Variants in TMEM132C observed in about 807,000 individuals in gnomAD.
TMEM132C encodes transmembrane protein 132C, also known as protein phosphatase 1, regulatory subunit 152.
Under a neutral mutation model 61.4 loss-of-function variants are expected in TMEM132C, and 29 were observed. The observed-to-expected ratio is 0.47, with a 90% CI of 0.35 to 0.64. The LOEUF (loss-of-function observed/expected upper bound fraction) is 0.64. Among genes scored for constraint, TMEM132C ranks in the 30% least tolerant of loss-of-function variants. TMEM132C has a pLI of 0.00. For missense variants in TMEM132C, 1,408 were observed against 1,476.9 expected (o/e 0.95, Z 0.76); for synonymous variants, 656 against 633.1 (o/e 1.04, Z -0.54).
chr12:128,602,867 A>C (rs1213237613), intron 3 of TMEM132C, among the ~76,000 whole-genome samples: 1 of 152,240 alleles, frequency 6.6e-6, no homozygotes, highest in African/African-American at 2.4e-5. Context: ...GCTGCCAGCA[A>C]AGTGCAGAGG....
intron 1 of TMEM132C, among the ~76,000 whole-genome samples, chr12:128,270,063 C>T (rs565482317): frequency 2.6e-4 from 39 of 152,124 alleles, no homozygotes; most frequent in Non-Finnish European, 4.6e-4. Flanking sequence ...TGGGCCGAGG[C>T]AGGAGAGGCA....
intron 2 of TMEM132C, among the ~76,000 whole-genome samples, chr12:128,459,405 G>C (rs79295240): frequency 0.056 from 8,475 of 152,234 alleles, 767 homozygotes; most frequent in African/African-American, 0.19. Flanking sequence ...AGAGGACCTG[G>C]GTTTGAGAGA....
intron 2 of TMEM132C, among the ~76,000 whole-genome samples, chr12:128,484,217 C>T (rs932807598): frequency 2.0e-5 from 3 of 152,106 alleles, no homozygotes; most frequent in South Asian, 2.1e-4. Flanking sequence ...ACTAAGGGGA[C>T]GACATTCTAA....
chr12:128,598,264 T>A (rs953853476), intron 3 of TMEM132C, among the ~76,000 whole-genome samples: 1 of 151,778 alleles, frequency 6.6e-6, no homozygotes, highest in Non-Finnish European at 1.5e-5. Context: ...TAAAAAATAA[T>A]AACAATAATA....
chr12:128,549,910 T>C (rs1210961362), intron 3 of TMEM132C, among the ~76,000 whole-genome samples: 1 of 151,676 alleles, frequency 6.6e-6, no homozygotes, highest in East Asian at 1.9e-4. Flanking sequence ...GAGCTGGAGG[T>C]GGAATTCAAA....
At chr12:128,599,824 C>G (rs1026114700) in intron 3 of TMEM132C, among the ~76,000 whole-genome samples, 1 of 152,096 alleles carries the variant, frequency 6.6e-6, no homozygotes, top group African/African-American at 2.4e-5. Context: ...TGTGTCATCA[C>G]CCAAATCTCA....
intron 1 of TMEM132C, among the ~76,000 whole-genome samples, chr12:128,291,611 C>T (rs1457020078): frequency 1.3e-5 from 2 of 152,180 alleles, no homozygotes; most frequent in East Asian, 1.9e-4. Flanking sequence ...CTGCTGTTCC[C>T]GTAACTCAGG....
At chr12:128,536,361 G>A (rs1040964466) in intron 2 of TMEM132C, among the ~76,000 whole-genome samples, 3 of 152,012 alleles carry the variant, frequency 2.0e-5, no homozygotes, top group Non-Finnish European at 4.4e-5. Flanking sequence ...TGGTCACAGG[G>A]CAGAGAACAT....
intron 1 of TMEM132C, among the ~76,000 whole-genome samples, chr12:128,292,062 T>C (rs932561363): frequency 1.3e-5 from 2 of 152,166 alleles, no homozygotes; most frequent in African/African-American, 4.8e-5. Context: ...GGTATCTAGG[T>C]GTCTCACCAT....
intron 1 of TMEM132C, among the ~76,000 whole-genome samples, chr12:128,320,949 G>A (rs1031183374): frequency 4.0e-5 from 6 of 151,798 alleles, no homozygotes; most frequent in South Asian, 2.1e-4. Context: ...CTCTAGGGGT[G>A]TGTCAATTAG....
At chr12:128,270,775 G>A (rs114847586) in intron 1 of TMEM132C, among the ~76,000 whole-genome samples, 2,189 of 152,206 alleles carry the variant, frequency 0.014, 53 homozygotes, top group African/African-American at 0.049. Context: ...CTGTGTTTTA[G>A]CCTCTTAGTA....
intron 2 of TMEM132C, among the ~76,000 whole-genome samples, chr12:128,489,306 CT>C (rs1324911683): frequency 6.6e-6 from 1 of 151,702 alleles, no homozygotes; most frequent in Non-Finnish European, 1.5e-5. Flanking sequence ...CTCACCTTGA[CT>C]TTCTTCTTGC....
chr12:128,394,582 T>A (rs1874878209), intron 1 of TMEM132C, among the ~76,000 whole-genome samples: 3 of 152,240 alleles, frequency 2.0e-5, no homozygotes. Context: ...GCCCAACATC[T>A]AGTGACTCCT....
intron 1 of TMEM132C, among the ~76,000 whole-genome samples, chr12:128,337,338 G>A (rs371861088): frequency 4.0e-4 from 61 of 152,196 alleles, no homozygotes; most frequent in African/African-American, 1.3e-3. Flanking sequence ...TCTATTGTTC[G>A]CGGGGACTCG....
chr12:128,521,780 G>A (rs1872914768), intron 2 of TMEM132C, among the ~76,000 whole-genome samples: 1 of 152,120 alleles, frequency 6.6e-6, no homozygotes, highest in African/African-American at 2.4e-5. Flanking sequence ...CTGGTACTCA[G>A]ATATATTTTG....
At chr12:128,413,410 A>G (rs1189210196) in intron 1 of TMEM132C, among the ~76,000 whole-genome samples, 3 of 151,730 alleles carry the variant, frequency 2.0e-5, no homozygotes, top group African/African-American at 4.8e-5. Context: ...GTAAGATGAA[A>G]GAGTCAAAGA....
intron 2 of TMEM132C, among the ~76,000 whole-genome samples, chr12:128,424,702 C>T (rs1825457545): frequency 6.6e-6 from 1 of 152,188 alleles, no homozygotes; most frequent in Admixed American, 6.5e-5. Flanking sequence ...GAATTGTATA[C>T]TTGACAAAGT....
chr12:128,270,633 G>A lies in TMEM132C; in HGVS notation c.85+3146G>A, dbSNP rs60427197. Among the ~76,000 whole-genome samples the A allele has an allele frequency of 6.2e-3, 949 of 152,264 alleles. 12 individuals carry two copies. The highest frequency in any genetic ancestry group is 0.021 in the African/African-American group (888 of 41,552). On this transcript the variant is annotated intron_variant, in intron 1 of 8. Coordinates refer to ENST00000435159, the MANE Select transcript of TMEM132C (RefSeq NM_001136103.3). The stretch of plus-strand genomic sequence containing the variant: ...TGGAGAAGCCCCTCTCAACTCACCC[G>A]CATTCGTGCTGCCACCAACGAATGA...
At chr12:128,603,353 C>T (rs998768870) in intron 3 of TMEM132C, among the ~76,000 whole-genome samples, 2 of 152,202 alleles carry the variant, frequency 1.3e-5, no homozygotes, top group Non-Finnish European at 2.9e-5. Flanking sequence ...CATCTGAGAC[C>T]ATTTAATAAC....
Sources: allele counts gnomAD v4.1 joint callset (sites outside exome capture counted in the v4.1 genomes callset), GRCh38; gene constraint gnomAD v4.1.1; transcripts MANE v1.5; gene names NCBI Gene and HGNC (gene_info 2026-07-23, HGNC 2026-07-21).